Variants in SMCO1 observed in about 807,000 individuals in gnomAD.
The protein encoded by SMCO1 is single-pass membrane and coiled-coil domain-containing protein 1.
A neutral mutation model predicts 7.5 loss-of-function variants in SMCO1; 9 were observed. The ratio of observed to expected loss-of-function variants is 1.20; its 90% CI spans 0.72 to 2.09. The LOEUF (loss-of-function observed/expected upper bound fraction) is 2.09, where lower values mean the gene tolerates loss of function less well. Among genes scored for constraint, SMCO1 ranks in the 30% most tolerant of loss-of-function variants. The probability of loss-of-function intolerance (pLI) is 0.00; values close to 1 mark genes in which losing one functional copy is unlikely to be tolerated. For missense variants in SMCO1, 219 were observed against 253.1 expected (o/e 0.87, Z 0.91); for synonymous variants, 90 against 93.8 (o/e 0.96, Z 0.23).
In SMCO1 at chr3:196,509,414, T is replaced by G. The variant is rs568265751; in HGVS notation, c.200+106A>C. 15 of 988,230 alleles carry G rather than the reference T, an allele frequency of 1.5e-5. No individual in the cohort carries two copies. In the African/African-American group the frequency reaches 2.0e-4, roughly 13 times the overall value. The allele number at this position is 988,230 out of a possible 1,614,324, so 61.2% of individuals were successfully genotyped here. ...AATGAACCTAAGAAAATGTAATTGCTTTACAATCCATTGTGGGAAACATAC... is the reference window on the plus strand; with the variant it reads ...AATGAACCTAAGAAAATGTAATTGCGTTACAATCCATTGTGGGAAACATAC... On this transcript the variant is annotated intron_variant, in intron 2 of 2. Coordinates refer to ENST00000397537, the MANE Select transcript of SMCO1 (RefSeq NM_001077657.3).
chr3:196,508,030 G>A lies in SMCO1; in HGVS notation c.502C>T (p.Leu168=), dbSNP rs1733099319. The part of the protein sequence containing the change: ...RQMYIRDVTF[L]ITNMVKNQAL... ...TGGTTCTTTACCATGTTAGTAATTA[G>A]GAACGTGACATCCCTGATGTACATC... The change falls in exon 3 of 3, where the codon CTA becomes TTA. Residue 168 remains leucine, a synonymous_variant. Coordinates refer to ENST00000397537, the MANE Select transcript of SMCO1 (RefSeq NM_001077657.3). The A allele has an allele frequency of 5.6e-6, 9 of 1,613,992 alleles. No homozygotes were observed. Among genetic ancestry groups the A allele is most frequent in the Admixed American group, 1.7e-5 (1 of 59,994 alleles).
upstream of SMCO1, among the ~76,000 whole-genome samples, chr3:196,517,532 G>T (rs947246165): frequency 4.6e-5 from 7 of 152,094 alleles, no homozygotes; most frequent in Non-Finnish European, 8.8e-5. Context: ...GGGTGTGGAA[G>T]CTCTACAGCA....
At position 196,515,286 on chromosome 3, in the gene SMCO1, C is replaced by G; in HGVS notation, c.-77G>C. 8.7e-7 allele frequency: 1 copy of G among 1,143,728 alleles called. No homozygotes were observed. The highest frequency in any genetic ancestry group is 1.2e-5 in the South Asian group (1 of 80,448). The allele number at this position is 1,143,728 out of a possible 1,614,324, so 70.8% of individuals were successfully genotyped here. A position where few individuals can be genotyped will look rare whatever the true frequency, so the allele number is the denominator to read the frequency against. ...AATAAATGTTTGAATCCAGAATTTT[C>G]TGCGGTCTTCCTCTCAGCAACAGGC... On this transcript the variant is annotated 5_prime_UTR_variant, in exon 1 of 3. Coordinates refer to ENST00000397537, the MANE Select transcript of SMCO1 (RefSeq NM_001077657.3).
chr3:196,518,163 G>T (rs1733428181), upstream of SMCO1, among the ~76,000 whole-genome samples: 1 of 152,196 alleles, frequency 6.6e-6, no homozygotes. Context: ...ATAATAAAAG[G>T]CTAGGGTGGG....
chr3:196,507,785 A>G lies in SMCO1; in HGVS notation c.*102T>C. ...GTCATAATTTATTTAACATCCTCTCACTCTTTGCTATAAAAATAAGACTAT... is the reference window on the plus strand; with the variant it reads ...GTCATAATTTATTTAACATCCTCTCGCTCTTTGCTATAAAAATAAGACTAT... On this transcript the variant is annotated 3_prime_UTR_variant, in exon 3 of 3. Coordinates refer to ENST00000397537, the MANE Select transcript of SMCO1 (RefSeq NM_001077657.3). The G allele has an allele frequency of 1.5e-6, 1 of 672,300 alleles. No individual in the cohort carries two copies. The highest frequency in any genetic ancestry group is 2.5e-6 in the Non-Finnish European group (1 of 392,982). 41.6% of individuals were successfully genotyped at this position (672,300 alleles called of 1,614,324 possible).
upstream of SMCO1, among the ~76,000 whole-genome samples, chr3:196,517,104 C>CAAAAAAAAAAAAA (rs56104987): frequency 2.2e-4 from 8 of 35,738 alleles, no homozygotes; most frequent in African/African-American, 1.3e-3. Flanking sequence ...GACTCCATCG[C>CAAAAAAAAAAAAA]AAAAAAAAAA....
upstream of SMCO1, among the ~76,000 whole-genome samples, chr3:196,520,139 A>G (rs548448688): frequency 6.6e-6 from 1 of 152,342 alleles, no homozygotes; most frequent in Non-Finnish European, 1.5e-5. Context: ...GTTATATTGC[A>G]CAAGGGCATG....
At chr3:196,510,625 C>A (rs190748234) in intron 1 of SMCO1, among the ~76,000 whole-genome samples, 158 of 152,256 alleles carry the variant, frequency 1.0e-3, no homozygotes, top group African/African-American at 3.8e-3. Flanking sequence ...AACTCTTATC[C>A]TTTCTTCCAG....
upstream of SMCO1, among the ~76,000 whole-genome samples, chr3:196,517,636 A>G (rs1191346267): frequency 6.2e-5 from 9 of 145,722 alleles, no homozygotes; most frequent in Non-Finnish European, 9.0e-5. Flanking sequence ...GCCTTCCCCT[A>G]TGCATCACTA....
upstream of SMCO1, among the ~76,000 whole-genome samples, chr3:196,519,259 G>A (rs116347399): frequency 1.1e-3 from 161 of 152,330 alleles, no homozygotes; most frequent in African/African-American, 3.7e-3. Flanking sequence ...TTTAGGAACA[G>A]AGGGCCTCCC....
intron 1 of SMCO1, among the ~76,000 whole-genome samples, chr3:196,512,797 C>A (rs542742191): frequency 6.6e-6 from 1 of 151,924 alleles, no homozygotes; most frequent in South Asian, 2.1e-4. Flanking sequence ...CGTGAGCCAC[C>A]GCACCCGGCC....
At chr3:196,516,147 T>C (rs1733386692), upstream of SMCO1, among the ~76,000 whole-genome samples, 1 of 147,456 alleles carries the variant, frequency 6.8e-6, no homozygotes, top group South Asian at 2.1e-4. Flanking sequence ...TGAATATAAA[T>C]GTGGAAATAA....
intron 2 of SMCO1, 116 bp from the exon 3 acceptor site, chr3:196,508,447 T>G (rs1360028073): frequency 1.3e-6 from 1 of 749,406 alleles, no homozygotes; most frequent in African/African-American, 1.8e-5. Flanking sequence ...GCTGTTGTAA[T>G]TTAGAAAATA....
upstream of SMCO1, among the ~76,000 whole-genome samples, chr3:196,518,957 G>T (rs762957257): frequency 6.6e-6 from 1 of 152,142 alleles, no homozygotes; most frequent in Non-Finnish European, 1.5e-5. Context: ...ATCCCGTGAG[G>T]CCAGGAAAAG....
At chr3:196,513,165 C>T (rs1733294134) in intron 1 of SMCO1, among the ~76,000 whole-genome samples, 1 of 151,396 alleles carries the variant, frequency 6.6e-6, no homozygotes, top group Non-Finnish European at 1.5e-5. Context: ...CTCATCTCTA[C>T]AAAAAATAAA....
In SMCO1 at chr3:196,508,172, A is replaced by G; in HGVS notation, c.360T>C (p.Val120=). The change falls in exon 3 of 3, where the codon GTT becomes GTC. Residue 120 remains valine, a synonymous_variant. Transcript: ENST00000397537. ...RRKVKNKRVR[V]VWESILEECG... ...ACTCCTCCAGTATGGACTCCCATAC[A>G]ACTCTAACGCGCTTGTTCTTAACTT... 6.2e-7 allele frequency: 1 copy of G among 1,614,180 alleles called. No homozygotes were observed. Among genetic ancestry groups the G allele is most frequent in the Non-Finnish European group, 8.5e-7 (1 of 1,180,034 alleles).
At chr3:196,512,280 T>C (rs1369387186) in intron 1 of SMCO1, among the ~76,000 whole-genome samples, 3 of 152,102 alleles carry the variant, frequency 2.0e-5, no homozygotes, top group Admixed American at 2.0e-4. Flanking sequence ...TAGATTGTTG[T>C]TATGAGGGAA....
At chr3:196,516,006 TATATA>T (rs1733377273), upstream of SMCO1, among the ~76,000 whole-genome samples, 2 of 91,770 alleles carry the variant, frequency 2.2e-5, no homozygotes, top group African/African-American at 2.2e-4. Context: ...TATATATATA[TATATA>T]TATATATATA....
chr3:196,516,023 ATATATAT>A, upstream of SMCO1, among the ~76,000 whole-genome samples: 2 of 121,194 alleles, frequency 1.7e-5, no homozygotes, highest in Non-Finnish European at 3.4e-5. Flanking sequence ...ATATATATAT[ATATATAT>A]AATTATATAT....
Sources: gnomAD v4.1 joint callset for allele counts (sites outside exome capture counted in the v4.1 genomes callset) on GRCh38, gnomAD v4.1.1 for gene constraint, MANE v1.5 for transcripts, NCBI Gene and HGNC (gene_info 2026-07-23, HGNC 2026-07-21) for gene names.